ITPR1: variants seen among roughly 807,000 people sequenced by gnomAD.
ITPR1 encodes the protein inositol 1,4,5-trisphosphate-gated calcium channel ITPR1.
ITPR1 carries 96 observed loss-of-function variants against 318.4 expected under a neutral mutation model. The ratio of observed to expected loss-of-function variants is 0.30; its 90% confidence interval spans 0.26 to 0.36. ITPR1 has a LOEUF of 0.36. Ranked by LOEUF, ITPR1 falls within the 10% of genes least tolerant of loss-of-function variation. The pLI is 1.00. For synonymous variants in ITPR1, 1,312 were observed against 1,289.9 expected (o/e 1.02, Z -0.37); for missense variants, 2,440 against 3,460.2 (o/e 0.71, Z 7.40).
At chr3:4,691,606 A>G (rs893599461) in intron 32 of ITPR1, among the ~76,000 whole-genome samples, 13 of 152,234 alleles carry the variant, frequency 8.5e-5, no homozygotes, top group Non-Finnish European at 1.8e-4. Context: ...AAGAGGAATA[A>G]GGAACTGAAT....
chr3:4,547,762 G>T (rs2085165050), intron 4 of ITPR1, among the ~76,000 whole-genome samples: 1 of 152,130 alleles, frequency 6.6e-6, no homozygotes, highest in African/African-American at 2.4e-5. Context: ...CCAGTCCGAG[G>T]AGTTCAACCT....
chr3:4,597,214 G>A (rs1157408905), intron 4 of ITPR1, among the ~76,000 whole-genome samples: 1 of 152,150 alleles, frequency 6.6e-6, no homozygotes, highest in Non-Finnish European at 1.5e-5. Context: ...AAAAATAGTG[G>A]CAATTAATAC....
intron 4 of ITPR1, among the ~76,000 whole-genome samples, chr3:4,575,852 C>A (rs959075434): frequency 2.6e-5 from 4 of 151,928 alleles, no homozygotes; most frequent in Non-Finnish European, 4.4e-5. Context: ...GAGACCTCAT[C>A]TCTACAAAAA....
At chr3:4,560,285 C>T (rs6781052) in intron 4 of ITPR1, among the ~76,000 whole-genome samples, 95,458 of 151,946 alleles carry the variant, frequency 0.63, 30,242 homozygotes, top group African/African-American at 0.68. Context: ...CAATAAAAAG[C>T]AAAGGCACTT....
At chr3:4,721,559 G>GT (rs201724381) in intron 40 of ITPR1, among the ~76,000 whole-genome samples, 24 of 151,992 alleles carry the variant, frequency 1.6e-4, no homozygotes, top group Middle Eastern at 3.4e-3. Context: ...CCTGTTCACT[G>GT]TTGGTCTCCT....
intron 40 of ITPR1, among the ~76,000 whole-genome samples, chr3:4,725,103 C>T (rs114603206): frequency 0.016 from 2,466 of 151,984 alleles, 72 homozygotes; most frequent in African/African-American, 0.056. Context: ...ACATGTGGCA[C>T]GTGGAACTTT....
In ITPR1 at chr3:4,725,590, C is replaced by T. The variant is rs779673916; in HGVS notation, c.5172+9C>T. 23 of 1,598,064 alleles carry T rather than the reference C, an allele frequency of 1.4e-5. No individual in the cohort carries two copies. The highest frequency in any genetic ancestry group is 1.8e-5 in the Non-Finnish European group (21 of 1,178,486). ...CTGAGAACGCCACTGAGGTGTGTTG[C>T]CCGCCTATATTTGTAGCGCCAGCGC... On this transcript the variant is annotated intron_variant, in intron 41 of 61. Coordinates refer to ENST00000649015, the MANE Select transcript of ITPR1 (RefSeq NM_001378452.1).
At chr3:4,763,044 C>G (rs2125366803) in intron 44 of ITPR1, among the ~76,000 whole-genome samples, 1 of 152,272 alleles carries the variant, frequency 6.6e-6, no homozygotes, top group Admixed American at 6.5e-5. Flanking sequence ...AGATCGTGTC[C>G]TTTGCAGGGA....
chr3:4,618,249 A>G (rs772549005), intron 4 of ITPR1, among the ~76,000 whole-genome samples: 24 of 152,332 alleles, frequency 1.6e-4, no homozygotes, highest in African/African-American at 3.8e-4. Context: ...ACTGATAAAC[A>G]TAACAGTATG....
chr3:4,516,601 C>T lies in ITPR1; in HGVS notation c.92+18C>T. On this transcript the variant is annotated intron_variant, in intron 3 of 61. Coordinates refer to ENST00000649015, the MANE Select transcript of ITPR1 (RefSeq NM_001378452.1). Reference sequence around the variant, plus strand: ...ACCTTGGGGTAAGAGCATGCAATTTCTTGTGTGGCACGGTTTGTTTAAGAC... The same window carrying T: ...ACCTTGGGGTAAGAGCATGCAATTTTTTGTGTGGCACGGTTTGTTTAAGAC... The T allele has an allele frequency of 3.4e-6, 5 of 1,473,662 alleles. No homozygotes were observed. The highest frequency in any genetic ancestry group is 4.7e-6 in the Non-Finnish European group (5 of 1,058,848). The allele number at this position is 1,473,662 out of a possible 1,614,324, so 91.3% of individuals were successfully genotyped here.
intron 6 of ITPR1, among the ~76,000 whole-genome samples, chr3:4,639,966 C>G (rs4074086): frequency 0.023 from 3,436 of 152,254 alleles, 138 homozygotes; most frequent in African/African-American, 0.079. Flanking sequence ...TTCATGTCTA[C>G]TCTCATGGGT....
At chr3:4,763,837 G>T (rs886082170) in intron 44 of ITPR1, among the ~76,000 whole-genome samples, 2 of 152,240 alleles carry the variant, frequency 1.3e-5, no homozygotes, top group Non-Finnish European at 2.9e-5. Context: ...CAGACAGCGC[G>T]GTCCGTGGCA....
At chr3:4,679,566 G>A (rs1412771267) in intron 24 of ITPR1, among the ~76,000 whole-genome samples, 1 of 152,196 alleles carries the variant, frequency 6.6e-6, no homozygotes, top group African/African-American at 2.4e-5. Context: ...CAGGCCCTCC[G>A]TGGATTGGAT....
intron 61 of ITPR1, among the ~76,000 whole-genome samples, chr3:4,837,603 C>T (rs1032306999): frequency 4.0e-5 from 6 of 151,892 alleles, no homozygotes; most frequent in Admixed American, 6.6e-5. Flanking sequence ...AAGCAGGATG[C>T]GGGCAGTACT....
At chr3:4,716,783 C>A (rs934097977) in intron 39 of ITPR1, among the ~76,000 whole-genome samples, 1 of 152,160 alleles carries the variant, frequency 6.6e-6, no homozygotes, top group African/African-American at 2.4e-5. Context: ...GCTGATAAAT[C>A]CCATGTCACT....
At chr3:4,693,832 G>T (rs2094516644) in intron 33 of ITPR1, 91 bp downstream of exon 33, 7 of 1,416,316 alleles carry the variant, frequency 4.9e-6, no homozygotes, top group Non-Finnish European at 6.7e-6. Flanking sequence ...GGCTGGCCTG[G>T]GGGAGCCCTC....
chr3:4,767,047 G>T (rs1220116972), intron 45 of ITPR1, among the ~76,000 whole-genome samples: 4 of 152,256 alleles, frequency 2.6e-5, no homozygotes, highest in African/African-American at 4.8e-5. Flanking sequence ...TTAGTCCTTT[G>T]TCAGATAATG....
chr3:4,603,715 A>C (rs1356384302), intron 4 of ITPR1, among the ~76,000 whole-genome samples: 1 of 152,146 alleles, frequency 6.6e-6, no homozygotes, highest in African/African-American at 2.4e-5. Flanking sequence ...GGTGTGATGT[A>C]CCACATTTTC....
chr3:4,600,286 C>T (rs2091170550), intron 4 of ITPR1, among the ~76,000 whole-genome samples: 1 of 152,170 alleles, frequency 6.6e-6, no homozygotes. Flanking sequence ...ATTCATTCTA[C>T]ACATCCCTCA....
Sources: gnomAD v4.1 joint callset for allele counts (sites outside exome capture counted in the v4.1 genomes callset) on GRCh38, gnomAD v4.1.1 for gene constraint, MANE v1.5 for transcripts, NCBI Gene and HGNC (gene_info 2026-07-23, HGNC 2026-07-21) for gene names.